The following SHISA6 variants were observed in gnomAD, a reference collection of about 807,000 sequenced individuals.
SHISA6 encodes the protein protein shisa-6.
In SHISA6, 22 loss-of-function variants were observed where a neutral mutation model predicts 47.9. The ratio of observed to expected loss-of-function variants is 0.46; its 90% CI spans 0.33 to 0.66. SHISA6 has a LOEUF of 0.66. SHISA6 is among the 30% of genes least tolerant of loss of function. The probability of loss-of-function intolerance (pLI) is 0.02; values close to 1 mark genes in which losing one functional copy is unlikely to be tolerated. For missense variants in SHISA6, 680 were observed against 764.6 expected, an observed-to-expected ratio of 0.89 and a Z score of 1.30; for synonymous variants, 388 against 337.8, an observed-to-expected ratio of 1.15 and a Z score of -1.63.
chr17:11,276,193 G>T (rs1168147568), intron 2 of SHISA6, among the ~76,000 whole-genome samples: 2 of 152,046 alleles, frequency 1.3e-5, no homozygotes, highest in African/African-American at 4.8e-5. Flanking sequence ...GACCAGGCTG[G>T]TCTTAAACTC....
At chr17:11,267,064 T>A (rs1908451522) in intron 2 of SHISA6, among the ~76,000 whole-genome samples, 1 of 152,232 alleles carries the variant, frequency 6.6e-6, no homozygotes, top group Admixed American at 6.5e-5. Context: ...ATTTCTTAGA[T>A]GTGAAAGTTT....
At chr17:11,411,396 CTTT>C (rs1914112975) in intron 3 of SHISA6, among the ~76,000 whole-genome samples, 1 of 151,718 alleles carries the variant, frequency 6.6e-6, no homozygotes, top group South Asian at 2.1e-4. Context: ...TCCAAAATCA[CTTT>C]TTTGTTTGTT....
intron 3 of SHISA6, among the ~76,000 whole-genome samples, chr17:11,387,954 C>T (rs866534043): frequency 1.3e-5 from 2 of 152,162 alleles, no homozygotes; most frequent in African/African-American, 2.4e-5. Context: ...GGGTGCTGCT[C>T]ATGGCCTCAT....
At chr17:11,397,000 A>G (rs1481514110) in intron 3 of SHISA6, among the ~76,000 whole-genome samples, 1 of 152,212 alleles carries the variant, frequency 6.6e-6, no homozygotes, top group Non-Finnish European at 1.5e-5. Context: ...GTAGGCTGGA[A>G]ACGGTTCTCC....
At chr17:11,253,948 C>G (rs1309766927) in intron 1 of SHISA6, among the ~76,000 whole-genome samples, 1 of 152,172 alleles carries the variant, frequency 6.6e-6, no homozygotes, top group East Asian at 1.9e-4. Flanking sequence ...GTGGTTCTCT[C>G]TCAGTGGCCT....
At chr17:11,320,076 T>G (rs926317411) in intron 2 of SHISA6, among the ~76,000 whole-genome samples, 3 of 152,232 alleles carry the variant, frequency 2.0e-5, no homozygotes, top group African/African-American at 7.2e-5. Flanking sequence ...ACTTCATGTT[T>G]AATAGATGAA....
chr17:11,275,339 C>A (rs1467366779), intron 2 of SHISA6, among the ~76,000 whole-genome samples: 1 of 151,974 alleles, frequency 6.6e-6, no homozygotes, highest in Non-Finnish European at 1.5e-5. Flanking sequence ...AGTGAGAAAC[C>A]CACAGAGGAG....
chr17:11,264,061 G>A (rs1165439329), intron 2 of SHISA6, among the ~76,000 whole-genome samples: 1 of 152,062 alleles, frequency 6.6e-6, no homozygotes, highest in Non-Finnish European at 1.5e-5. Flanking sequence ...TTTACTTTTT[G>A]TACTTATCAT....
At chr17:11,313,522 A>G (rs1206669494) in intron 2 of SHISA6, among the ~76,000 whole-genome samples, 1 of 152,200 alleles carries the variant, frequency 6.6e-6, no homozygotes, top group Non-Finnish European at 1.5e-5. Flanking sequence ...GACAGACAAA[A>G]TTATTGCAAA....
chr17:11,350,196 T>TTC (rs1369301126), intron 2 of SHISA6, among the ~76,000 whole-genome samples: 1 of 139,910 alleles, frequency 7.1e-6, no homozygotes, highest in African/African-American at 2.7e-5. Flanking sequence ...TTTTTTTTTT[T>TTC]TGAGACGGAG....
chr17:11,286,778 T>A (rs914040381), intron 2 of SHISA6, among the ~76,000 whole-genome samples: 5 of 152,232 alleles, frequency 3.3e-5, no homozygotes, highest in African/African-American at 9.6e-5. Flanking sequence ...ATGCGTTTAC[T>A]TGTTTAAATG....
intron 2 of SHISA6, among the ~76,000 whole-genome samples, chr17:11,327,095 G>A (rs1241251987): frequency 6.6e-6 from 1 of 152,166 alleles, no homozygotes; most frequent in Non-Finnish European, 1.5e-5. Context: ...AGAGACTGAT[G>A]TCCAAATAAA....
intron 3 of SHISA6, among the ~76,000 whole-genome samples, chr17:11,527,208 A>C (rs2142368252): frequency 6.6e-6 from 1 of 152,204 alleles, no homozygotes; most frequent in East Asian, 1.9e-4. Context: ...ATGATGGATG[A>C]GTCTTGGCTA....
chr17:11,358,667 C>T (rs867858309), intron 2 of SHISA6, among the ~76,000 whole-genome samples: 3 of 141,294 alleles, frequency 2.1e-5, no homozygotes, highest in South Asian at 4.6e-4. Context: ...CCAGAATTTC[C>T]TTTTTTTTTT....
intron 2 of SHISA6, among the ~76,000 whole-genome samples, chr17:11,348,433 G>A (rs774539987): frequency 3.9e-5 from 6 of 152,022 alleles, no homozygotes; most frequent in Admixed American, 6.5e-5. Context: ...AATTCTTGAT[G>A]AGCTAACGGC....
chr17:11,483,919 G>A (rs1916280954), intron 3 of SHISA6, among the ~76,000 whole-genome samples: 1 of 152,216 alleles, frequency 6.6e-6, no homozygotes, highest in Non-Finnish European at 1.5e-5. Flanking sequence ...TCACACCACA[G>A]CACTCCAGTA....
intron 3 of SHISA6, among the ~76,000 whole-genome samples, chr17:11,413,818 C>T (rs1032632985): frequency 2.6e-5 from 4 of 152,104 alleles, no homozygotes; most frequent in African/African-American, 4.8e-5. Flanking sequence ...AAGTAAGACA[C>T]GTAGCCAGCT....
chr17:11,272,369 C>T (rs1040616453), intron 2 of SHISA6, among the ~76,000 whole-genome samples: 1 of 152,138 alleles, frequency 6.6e-6, no homozygotes, highest in African/African-American at 2.4e-5. Flanking sequence ...TCCCTGGCTC[C>T]CTGCCCGGGG....
chr17:11,310,879 T>C (rs964111525), intron 2 of SHISA6, among the ~76,000 whole-genome samples: 2 of 151,638 alleles, frequency 1.3e-5, no homozygotes, highest in Non-Finnish European at 2.9e-5. Flanking sequence ...GGGGCCTAGG[T>C]GGGCGCATCA....
Sources: gnomAD v4.1 joint callset for allele counts (sites outside exome capture counted in the v4.1 genomes callset) on GRCh38, gnomAD v4.1.1 for gene constraint, MANE v1.5 for transcripts, NCBI Gene and HGNC (gene_info 2026-07-23, HGNC 2026-07-21) for gene names.